The following PLCL2 variants were observed in gnomAD, a reference collection of about 807,000 sequenced individuals.
The protein encoded by PLCL2 is inactive phospholipase C-like protein 2.
In PLCL2, 4 loss-of-function variants were observed where a neutral mutation model predicts 79.6. That is an observed-to-expected ratio of 0.05 (90% CI 0.02 to 0.11). The LOEUF (loss-of-function observed/expected upper bound fraction) is 0.11, where lower values mean the gene tolerates loss of function less well. PLCL2 is among the 10% of genes least tolerant of loss of function. The probability of loss-of-function intolerance (pLI) is 1.00; values close to 1 mark genes in which losing one functional copy is unlikely to be tolerated. For missense variants in PLCL2, 895 were observed against 1,291.0 expected (o/e 0.69, Z 4.70); for synonymous variants, 484 against 457.7 (o/e 1.06, Z -0.73).
chr3:16,924,588 G>A (rs151206754), intron 1 of PLCL2, among the ~76,000 whole-genome samples: 119 of 152,274 alleles, frequency 7.8e-4, no homozygotes, highest in Non-Finnish European at 1.1e-3. Flanking sequence ...GGTATCTCAG[G>A]TCTTTCCTGA....
intron 4 of PLCL2, among the ~76,000 whole-genome samples, chr3:17,057,788 G>A (rs920581657): frequency 1.3e-5 from 2 of 152,314 alleles, no homozygotes; most frequent in East Asian, 1.9e-4. Context: ...TGTTCATAAC[G>A]TTTCCCAAAT....
At chr3:17,047,300 C>T (rs1353447748) in intron 4 of PLCL2, among the ~76,000 whole-genome samples, 4 of 152,184 alleles carry the variant, frequency 2.6e-5, no homozygotes, top group African/African-American at 4.8e-5. Flanking sequence ...GCAAAGAGCC[C>T]GCATAGGACA....
intron 4 of PLCL2, among the ~76,000 whole-genome samples, chr3:17,055,474 C>T (rs1317409157): frequency 6.6e-6 from 1 of 152,138 alleles, no homozygotes; most frequent in African/African-American, 2.4e-5. Flanking sequence ...CTCTAGAAAC[C>T]GCTGTCTCAC....
chr3:17,084,963 T>C lies in PLCL2; in HGVS notation c.3205-4770T>C, dbSNP rs192837251. Among the ~76,000 whole-genome samples, 928 of 152,238 alleles carry C rather than the reference T, an allele frequency of 6.1e-3. 11 individuals are homozygous for C. The highest frequency in any genetic ancestry group is 0.019 in the African/African-American group (805 of 41,532). ...AGACAAGAAAATAAAATAAAAGGTA[T>C]ATATCTTGAGAAGGAAGAAATAAAA... On this transcript the variant is annotated intron_variant, in intron 5 of 5. Coordinates refer to ENST00000615277, the MANE Select transcript of PLCL2 (RefSeq NM_001144382.2).
intron 1 of PLCL2, among the ~76,000 whole-genome samples, chr3:16,892,297 G>A (rs1406773918): frequency 6.6e-6 from 1 of 152,170 alleles, no homozygotes; most frequent in Admixed American, 6.5e-5. Context: ...TAACTGTTCT[G>A]GAAGATGTTA....
At chr3:16,982,623 G>A (rs1295742573) in intron 1 of PLCL2, among the ~76,000 whole-genome samples, 1 of 152,196 alleles carries the variant, frequency 6.6e-6, no homozygotes, top group African/African-American at 2.4e-5. Flanking sequence ...GTAGTGTCTA[G>A]CGATTATGTC....
At chr3:16,885,696 C>T (rs1033825939) in intron 1 of PLCL2, among the ~76,000 whole-genome samples, 1 of 152,206 alleles carries the variant, frequency 6.6e-6, no homozygotes, top group African/African-American at 2.4e-5. Flanking sequence ...AACAGACTCC[C>T]TGTAAGATTT....
chr3:16,900,357 G>A (rs374539391), intron 1 of PLCL2, among the ~76,000 whole-genome samples: 2 of 151,892 alleles, frequency 1.3e-5, no homozygotes, highest in East Asian at 3.8e-4. Flanking sequence ...AATCATCCTT[G>A]TTTTCCTCAT....
rs552911578 is a variant in PLCL2, at chr3:16,899,053, G to C, written c.327+13687G>C. Among the ~76,000 whole-genome samples, 25 of 152,360 alleles carry C rather than the reference G, an allele frequency of 1.6e-4. No individual in the cohort carries two copies. In the South Asian group the frequency reaches 5.2e-3, roughly 32 times the overall value. ...AGGTTGTGCTTCAAAAGGTGGTAGA[G>C]AGAAGAATGGAGGAACAAGGAAAGG... On this transcript the variant is annotated intron_variant, in intron 1 of 5. Transcript: ENST00000615277.
At chr3:17,052,695 G>A (rs2064854566) in intron 4 of PLCL2, among the ~76,000 whole-genome samples, 1 of 152,088 alleles carries the variant, frequency 6.6e-6, no homozygotes, top group Admixed American at 6.6e-5. Flanking sequence ...GAGACAGCAA[G>A]ACCAACCCCT....
rs1356522417 is a variant in PLCL2, at chr3:16,971,067, T to A, written c.328-38607T>A. Among the ~76,000 whole-genome samples, 12 of 151,860 alleles carry A rather than the reference T, an allele frequency of 7.9e-5. No homozygotes were observed. In the East Asian group the frequency reaches 1.7e-3, roughly 22 times the overall value. On this transcript the variant is annotated intron_variant, in intron 1 of 5. Coordinates refer to ENST00000615277, the MANE Select transcript of PLCL2 (RefSeq NM_001144382.2). ...GCTGTACAGAAGCTCTTTAGTTTAA[T>A]TAGATCCCATTTGTCAATTTTGGCT...
At chr3:16,945,484 A>G (rs1034082141) in intron 1 of PLCL2, among the ~76,000 whole-genome samples, 8 of 152,122 alleles carry the variant, frequency 5.3e-5, no homozygotes, top group Non-Finnish European at 1.2e-4. Context: ...CTCTATAAAC[A>G]TGTTTGGAAT....
At chr3:16,922,811 G>C (rs999690949) in intron 1 of PLCL2, among the ~76,000 whole-genome samples, 1 of 151,866 alleles carries the variant, frequency 6.6e-6, no homozygotes, top group Non-Finnish European at 1.5e-5. Context: ...AAAGTACAGG[G>C]TTTAATAAAA....
chr3:16,955,506 T>C (rs1439576570), intron 1 of PLCL2, among the ~76,000 whole-genome samples: 1 of 152,200 alleles, frequency 6.6e-6, no homozygotes, highest in Non-Finnish European at 1.5e-5. Flanking sequence ...GACTTGGCAA[T>C]GCGGGCTCTT....
intron 1 of PLCL2, among the ~76,000 whole-genome samples, chr3:16,913,836 A>G (rs933517529): frequency 6.6e-6 from 1 of 152,208 alleles, no homozygotes; most frequent in African/African-American, 2.4e-5. Context: ...TTATGGAAGA[A>G]AGATCTGCCT....
chr3:16,903,847 A>C (rs959911987), intron 1 of PLCL2, among the ~76,000 whole-genome samples: 1 of 152,214 alleles, frequency 6.6e-6, no homozygotes, highest in African/African-American at 2.4e-5. Context: ...AAGGTTGCTG[A>C]CATTTCTTCT....
At chr3:17,019,223 A>G (rs1348663217) in intron 3 of PLCL2, among the ~76,000 whole-genome samples, 4 of 152,170 alleles carry the variant, frequency 2.6e-5, no homozygotes, top group Non-Finnish European at 5.9e-5. Context: ...CACAGGTGAA[A>G]TATGCTCAAG....
chr3:17,013,687 G>T (rs1030761630), intron 2 of PLCL2, among the ~76,000 whole-genome samples: 2 of 152,182 alleles, frequency 1.3e-5, no homozygotes, highest in Non-Finnish European at 2.9e-5. Context: ...AGAGCAGAAG[G>T]CACAGGCCTG....
intron 1 of PLCL2, among the ~76,000 whole-genome samples, chr3:16,989,849 C>T (rs913959120): frequency 7.9e-5 from 12 of 152,152 alleles, no homozygotes; most frequent in African/African-American, 2.9e-4. Context: ...AGCTAGATAG[C>T]GTAGTTTTTT....
Sources: gnomAD v4.1 joint callset for allele counts (sites outside exome capture counted in the v4.1 genomes callset) on GRCh38, gnomAD v4.1.1 for gene constraint, MANE v1.5 for transcripts, NCBI Gene and HGNC (gene_info 2026-07-23, HGNC 2026-07-21) for gene names.